The following COL21A1 variants were observed in gnomAD, a reference collection of about 807,000 sequenced individuals.
COL21A1 encodes collagen alpha-1(XXI) chain.
COL21A1 carries 149 observed loss-of-function variants against 137.9 expected under a neutral mutation model. That is an observed-to-expected ratio of 1.08 (90% CI 0.95 to 1.24). COL21A1 has a LOEUF of 1.24. Ranked by LOEUF, COL21A1 falls within the 50% of genes most tolerant of loss-of-function variation. The probability of loss-of-function intolerance (pLI) is 0.00; values close to 1 mark genes in which losing one functional copy is unlikely to be tolerated. For missense variants in COL21A1, 1,167 were observed against 1,158.4 expected (o/e 1.01, Z -0.11); for synonymous variants, 456 against 391.5 (o/e 1.16, Z -1.95).
chr6:56,077,899 T>C (rs1767386464), intron 17 of COL21A1: 1 of 368,698 alleles, frequency 2.7e-6, no homozygotes, highest in African/African-American at 2.1e-5. Context: ...TGTATTCTAA[T>C]GAATCATGCA....
intron 1 of COL21A1, among the ~76,000 whole-genome samples, chr6:56,360,496 A>C (rs1765940717): frequency 6.6e-6 from 1 of 152,328 alleles, no homozygotes; most frequent in South Asian, 2.1e-4. Flanking sequence ...GTTAACAGAA[A>C]TAGAAACCAA....
chr6:56,190,874 CA>C (rs1778625867), intron 1 of COL21A1, among the ~76,000 whole-genome samples: 1 of 152,054 alleles, frequency 6.6e-6, no homozygotes, highest in Non-Finnish European at 1.5e-5. Flanking sequence ...AAAAGGCCTT[CA>C]ACAAAATTCA....
intron 1 of COL21A1, among the ~76,000 whole-genome samples, chr6:56,388,660 A>G (rs1304014233): frequency 1.3e-5 from 2 of 152,192 alleles, no homozygotes; most frequent in African/African-American, 4.8e-5. Context: ...TGTCCTTCTC[A>G]AAAAGGATGA....
At chr6:56,164,562 G>T in intron 8 of COL21A1, 56 bp from the exon 9 acceptor site, 1 of 1,219,542 alleles carries the variant, frequency 8.2e-7, no homozygotes, top group Non-Finnish European at 1.2e-6. Flanking sequence ...ATAAGTACAT[G>T]CACACGTATG....
intron 17 of COL21A1, among the ~76,000 whole-genome samples, chr6:56,089,802 T>A (rs988283532): frequency 6.9e-4 from 105 of 152,328 alleles, no homozygotes; most frequent in Non-Finnish European, 2.9e-4. Context: ...TCATACATCA[T>A]CTCATATTTG....
chr6:56,261,078 C>A (rs1484277304), intron 1 of COL21A1, among the ~76,000 whole-genome samples: 1 of 151,160 alleles, frequency 6.6e-6, no homozygotes, highest in Non-Finnish European at 1.5e-5. Flanking sequence ...AAATAAGGAG[C>A]TGACTATAAT....
chr6:56,180,162 T>G, intron 2 of COL21A1, 33 bp from the exon 3 acceptor site: 1 of 1,529,064 alleles, frequency 6.5e-7, no homozygotes, highest in Non-Finnish European at 8.8e-7. Context: ...ATAGCACATC[T>G]TTTATATAAA....
chr6:56,197,083 T>C (rs1779070210), intron 1 of COL21A1, among the ~76,000 whole-genome samples: 1 of 152,066 alleles, frequency 6.6e-6, no homozygotes. Flanking sequence ...TCCACGCATA[T>C]ATAGTTAACT....
At chr6:56,198,450 A>G (rs2152295862) in intron 1 of COL21A1, among the ~76,000 whole-genome samples, 1 of 152,242 alleles carries the variant, frequency 6.6e-6, no homozygotes, top group South Asian at 2.1e-4. Context: ...ATGTATACTT[A>G]TATCACATCA....
At chr6:56,202,311 A>G (rs1925189) in intron 1 of COL21A1, among the ~76,000 whole-genome samples, 98,500 of 151,942 alleles carry the variant, frequency 0.65, 32,345 homozygotes, top group East Asian at 0.87. Flanking sequence ...AGCATTTCCC[A>G]TTGCTACAGT....
intron 10 of COL21A1, among the ~76,000 whole-genome samples, chr6:56,145,214 C>T (rs1296940645): frequency 6.6e-6 from 1 of 152,078 alleles, no homozygotes; most frequent in African/African-American, 2.4e-5. Context: ...TTTGTAATGG[C>T]TCTCTTTGTT....
intron 1 of COL21A1, among the ~76,000 whole-genome samples, chr6:56,369,060 T>C (rs1356675679): frequency 1.3e-5 from 2 of 152,166 alleles, no homozygotes; most frequent in Non-Finnish European, 2.9e-5. Context: ...AAATACTAAG[T>C]ATGAATCCAG....
In COL21A1 at chr6:56,156,924, G is replaced by A; in HGVS notation, c.1397C>T (p.Pro466Leu). Residue 466 changes from proline (P) to leucine (L), a missense_variant, in exon 10 of 30, where the codon CCT becomes CTT. Coordinates refer to ENST00000244728, the MANE Select transcript of COL21A1 (RefSeq NM_030820.4). ...PKGDPGLPGN[P>L]GYPGQPGQDG... is the part of the protein sequence containing the mutation. Reference sequence around the variant, plus strand: ...TTGACCAGGTTGTCCAGGGTAGCCAGGGTTCCCAGGCAGTCCAGGGTCACC... The same window carrying A: ...TTGACCAGGTTGTCCAGGGTAGCCAAGGTTCCCAGGCAGTCCAGGGTCACC... 6.2e-7 allele frequency: 1 copy of A among 1,612,158 alleles called. No homozygotes were observed. The highest frequency in any genetic ancestry group is 8.5e-7 in the Non-Finnish European group (1 of 1,179,230).
chr6:56,328,335 C>T (rs534004708), intron 1 of COL21A1, among the ~76,000 whole-genome samples: 103 of 152,158 alleles, frequency 6.8e-4, no homozygotes, highest in African/African-American at 2.1e-3. Context: ...TTAGGTACAA[C>T]GCAGAACAGC....
intron 1 of COL21A1, among the ~76,000 whole-genome samples, chr6:56,384,488 A>G (rs1433501014): frequency 6.6e-6 from 1 of 152,246 alleles, no homozygotes; most frequent in African/African-American, 2.4e-5. Flanking sequence ...CCAGGAAGAT[A>G]AATTCTTACT....
chr6:56,122,754 G>A (rs924318752), intron 16 of COL21A1, among the ~76,000 whole-genome samples: 1 of 152,122 alleles, frequency 6.6e-6, no homozygotes, highest in Admixed American at 6.5e-5. Context: ...ATCAGGAAAT[G>A]AATAAAAGAA....
intron 1 of COL21A1, among the ~76,000 whole-genome samples, chr6:56,319,323 C>T (rs911169212): frequency 6.6e-6 from 1 of 152,018 alleles, no homozygotes; most frequent in Non-Finnish European, 1.5e-5. Flanking sequence ...TGGCCTGGAA[C>T]AGAGATCTTT....
rs553972393 is a variant in COL21A1, at chr6:56,303,795, T to G, written c.-39+90176A>C. Among the ~76,000 whole-genome samples, 7 of 152,312 alleles carry G rather than the reference T, an allele frequency of 4.6e-5. No homozygotes were observed. In the East Asian group the frequency reaches 1.3e-3, roughly 29 times the overall value. ...TGAATAGGAGTGGTGAGAGAGGGCA[T>G]CCCTGTCTTGTACCAGTTTTCAAAG... On this transcript the variant is annotated intron_variant, in intron 1 of 28. Coordinates refer to the COL21A1 transcript ENST00000370819.
At chr6:56,194,184 T>C (rs1032811004) in intron 1 of COL21A1, among the ~76,000 whole-genome samples, 9 of 152,222 alleles carry the variant, frequency 5.9e-5, no homozygotes, top group Admixed American at 6.5e-5. Flanking sequence ...TTTCTATTTA[T>C]ATGTAATTCA....
Sources: gnomAD v4.1 joint callset for allele counts (sites outside exome capture counted in the v4.1 genomes callset) on GRCh38, gnomAD v4.1.1 for gene constraint, MANE v1.5 for transcripts, NCBI Gene and HGNC (gene_info 2026-07-23, HGNC 2026-07-21) for gene names.